BUB1: variants seen among roughly 807,000 people sequenced by gnomAD.
BUB1 encodes the protein mitotic checkpoint serine/threonine-protein kinase BUB1.
A neutral mutation model predicts 135.2 loss-of-function variants in BUB1; 84 were observed. The observed-to-expected ratio is 0.62, with a 90% CI of 0.52 to 0.74. BUB1 has a LOEUF of 0.74. BUB1 is among the 30% of genes least tolerant of loss of function. The pLI is 0.00. For missense variants in BUB1, 1,162 were observed against 1,288.3 expected (o/e 0.90, Z 1.50); for synonymous variants, 403 against 434.4 (o/e 0.93, Z 0.90).
chr2:110,653,647 A>C (rs1346959798), intron 16 of BUB1, 124 bp from the exon 17 acceptor site: 1 of 754,610 alleles, frequency 1.3e-6, no homozygotes, highest in African/African-American at 1.8e-5. Context: ...TGATTTCAAA[A>C]TAGTGTTCCA....
chr2:110,659,955 C>T (rs377206925), intron 11 of BUB1, 23 bp downstream of exon 11: 26 of 1,595,570 alleles, frequency 1.6e-5, no homozygotes, highest in Non-Finnish European at 2.1e-5. Context: ...GACAGAAACA[C>T]ATTTATTATA....
chr2:110,667,838 A>C lies in BUB1; in HGVS notation c.579T>G (p.Leu193=). 6.2e-7 allele frequency: 1 copy of C among 1,613,356 alleles called. No individual in the cohort carries two copies. The highest frequency in any genetic ancestry group is 8.5e-7 in the Non-Finnish European group (1 of 1,179,876). The part of the protein sequence containing the change: ...ACISKNQGSE[L]SGVISSACDK... ...CACAAGCTGAAGATATCACTCCAGA[A>C]AGCTCTGAACCCTAAAAAACAGAAA... The change falls in exon 7 of 25, where the codon CTT becomes CTG. Residue 193 remains leucine, a synonymous_variant. Transcript: ENST00000302759.
In BUB1 at chr2:110,644,124, C is replaced by T. The variant is rs1403079756; in HGVS notation, c.2348-1890G>A. Among the ~76,000 whole-genome samples, 3 of 133,054 alleles carry T rather than the reference C, an allele frequency of 2.3e-5. No individual in the cohort carries two copies. The East Asian group carries it at 6.5e-4, about 29-fold the overall frequency. The allele number at this position is 133,054 out of a possible 152,430, so 87.3% of individuals were successfully genotyped here. On this transcript the variant is annotated intron_variant, in intron 19 of 24. Coordinates refer to ENST00000302759, the MANE Select transcript of BUB1 (RefSeq NM_004336.5). Reference sequence around the variant, plus strand: ...AATAGAGTATTTAAGGAATGTGGGACAACTACAAAATGTATAACAGATGTA... The same window carrying T: ...AATAGAGTATTTAAGGAATGTGGGATAACTACAAAATGTATAACAGATGTA...
chr2:110,643,487 T>A (rs2104517124), intron 19 of BUB1, among the ~76,000 whole-genome samples: 1 of 152,342 alleles, frequency 6.6e-6, no homozygotes, highest in East Asian at 1.9e-4. Flanking sequence ...GTCTATTTAA[T>A]CCCATTTCCT....
At chr2:110,640,110 C>G (rs1689463889) in intron 23 of BUB1, among the ~76,000 whole-genome samples, 1 of 152,192 alleles carries the variant, frequency 6.6e-6, no homozygotes, top group Admixed American at 6.5e-5. Flanking sequence ...ACACAGAGGA[C>G]AAACACAACA....
At chr2:110,660,753 T>C (rs1318580422) in intron 10 of BUB1, 1 of 152,282 alleles carries the variant, frequency 6.6e-6, no homozygotes, top group African/African-American at 2.4e-5. Context: ...GGAGAAGCAC[T>C]GGTGCGCCTC....
At chr2:110,667,246 G>C (rs1326248104) in intron 8 of BUB1, among the ~76,000 whole-genome samples, 1 of 152,120 alleles carries the variant, frequency 6.6e-6, no homozygotes, top group African/African-American at 2.4e-5. Context: ...TTGCTGCCAA[G>C]ACATCAATTT....
At chr2:110,664,572 T>C (rs906738523) in intron 9 of BUB1, among the ~76,000 whole-genome samples, 1 of 149,886 alleles carries the variant, frequency 6.7e-6, no homozygotes, top group African/African-American at 2.5e-5. Context: ...ATGCTGCTGT[T>C]GCCTTTTTTT....
At position 110,639,218 on chromosome 2, in the gene BUB1, CT is replaced by C. The variant is rs1331854552; in HGVS notation, c.3062+523del. Among the ~76,000 whole-genome samples the C allele has an allele frequency of 2.0e-5, 3 of 152,116 alleles. No homozygotes were observed. In the East Asian group the frequency reaches 5.8e-4, roughly 29 times the overall value. ...GCTCTTGCCTAATCATGAATTTTCA[CT>C]GTGATTTATAGATAAAAAAAAATCT... On this transcript the variant is annotated intron_variant, in intron 24 of 24. Coordinates refer to ENST00000302759, the MANE Select transcript of BUB1 (RefSeq NM_004336.5).
In BUB1 at chr2:110,677,230, G is replaced by A. The variant is rs75691424; in HGVS notation, c.26+740C>T. Among the ~76,000 whole-genome samples, 194 of 152,328 alleles carry A rather than the reference G, an allele frequency of 1.3e-3. 1 individual carries two copies. In the East Asian group the frequency reaches 0.036, roughly 28 times the overall value. ...AAATAATTTGCTGGCTAGGTTGAAG[G>A]TTACAGAAAAAGTCTTAGAGCAAAT... On this transcript the variant is annotated intron_variant, in intron 1 of 24. Transcript: ENST00000302759.
intron 9 of BUB1, among the ~76,000 whole-genome samples, chr2:110,664,378 A>C (rs1484510791): frequency 6.6e-6 from 1 of 152,102 alleles, no homozygotes; most frequent in Non-Finnish European, 1.5e-5. Flanking sequence ...AATCAGAAGG[A>C]CTCTGGGTTT....
intron 4 of BUB1, among the ~76,000 whole-genome samples, chr2:110,671,395 TGATA>T (rs1303118502): frequency 6.6e-6 from 1 of 152,180 alleles, no homozygotes; most frequent in African/African-American, 2.4e-5. Context: ...TAAAAGTTGG[TGATA>T]GATAAATGGA....
chr2:110,674,038 A>G, intron 3 of BUB1, 48 bp downstream of exon 3: 1 of 1,400,752 alleles, frequency 7.1e-7, no homozygotes, highest in Non-Finnish European at 9.8e-7. Flanking sequence ...TAAAAAGCAA[A>G]AGTACAACAT....
intron 14 of BUB1, 62 bp from the exon 15 acceptor site, chr2:110,657,179 T>C (rs961228960): frequency 2.3e-5 from 33 of 1,419,754 alleles, no homozygotes; most frequent in Non-Finnish European, 2.0e-5. Context: ...ATGCTATCAC[T>C]TGACCATTAG....
intron 9 of BUB1, among the ~76,000 whole-genome samples, chr2:110,663,982 C>T (rs1425211545): frequency 4.7e-5 from 7 of 149,086 alleles, no homozygotes; most frequent in Non-Finnish European, 1.0e-4. Flanking sequence ...TGAGTTGAGA[C>T]CATGCCACTG....
Position 110,641,739 on chromosome 2 carries a change from G to A in BUB1, c.2528C>T (p.Pro843Leu), listed in dbSNP as rs1294413745. The A allele has an allele frequency of 6.2e-7, 1 of 1,611,774 alleles. No individual in the cohort carries two copies. The highest frequency in any genetic ancestry group is 2.2e-5 in the East Asian group (1 of 44,878). The stretch of plus-strand genomic sequence containing the variant: ...CTTCATAAACATGTGCTGCATAGAT[G>A]GCTTTAGTCTTTCCATCAACTGGGT... ...IGTQLMERLK[P>L]SMQHMFMKFY... Residue 843 changes from proline to leucine, a missense_variant, in exon 21 of 25, where the codon CCA becomes CTA. Pro to Leu is a moderately conservative substitution (Grantham distance 98). Coordinates refer to ENST00000302759, the MANE Select transcript of BUB1 (RefSeq NM_004336.5).
At chr2:110,645,474 A>G (rs1168047109) in intron 19 of BUB1, among the ~76,000 whole-genome samples, 1 of 151,964 alleles carries the variant, frequency 6.6e-6, no homozygotes, top group Admixed American at 6.6e-5. Flanking sequence ...ATAGAAAAAG[A>G]CATACCATGC....
rs768716644 is a variant in BUB1 at position 110,641,642 on chromosome 2, T to C, written c.2625A>G (p.Leu875=). 4 of 1,610,014 alleles carry C rather than the reference T, an allele frequency of 2.5e-6. No individual in the cohort carries two copies. Among genetic ancestry groups the C allele is most frequent in the Admixed American group, 1.7e-5 (1 of 59,260 alleles). ...GCTCATCATAAAAATGAATACTTAC[T>C]AATAATGTTCCATAGCTGTAGAGCT... ...VGELYSYGTL[L]NAINLYKNTP... The change falls in exon 21 of 25, where the codon TTA becomes TTG. Residue 875 remains leucine (L), a splice_region_variant and synonymous_variant. Transcript: ENST00000302759.
intron 10 of BUB1, 62 bp from the exon 11 acceptor site, chr2:110,660,098 G>T: frequency 1.4e-6 from 2 of 1,428,276 alleles, no homozygotes; most frequent in South Asian, 1.2e-5. Flanking sequence ...GCTGGGTGCG[G>T]TGGTGGCTCA....
Sources: gnomAD v4.1 joint callset for allele counts (sites outside exome capture counted in the v4.1 genomes callset) on GRCh38, gnomAD v4.1.1 for gene constraint, MANE v1.5 for transcripts, NCBI Gene and HGNC (gene_info 2026-07-23, HGNC 2026-07-21) for gene names.